Variants in LTN1 observed in about 807,000 individuals in gnomAD.
The protein encoded by LTN1 is E3 ubiquitin-protein ligase listerin.
LTN1 carries 88 observed loss-of-function variants against 201.2 expected under a neutral mutation model. The observed-to-expected ratio is 0.44, with a 90% confidence interval of 0.37 to 0.52. LTN1 has a LOEUF of 0.52. Among genes scored for constraint, LTN1 ranks in the 20% least tolerant of loss-of-function variants. The pLI is 0.00. For synonymous variants in LTN1, 645 were observed against 713.5 expected, an observed-to-expected ratio of 0.90 and a Z score of 1.53; for missense variants, 1,752 against 2,038.7, an observed-to-expected ratio of 0.86 and a Z score of 2.71.
At chr21:28,947,775 GTTT>G (rs202076727) in intron 18 of LTN1, among the ~76,000 whole-genome samples, 169 bp from the exon 19 acceptor site, 2 of 151,034 alleles carry the variant, frequency 1.3e-5, no homozygotes, top group Non-Finnish European at 3.0e-5. Flanking sequence ...GATGAAATTG[GTTT>G]TTTTTGCTCC....
At chr21:28,976,464 G>A (rs2084615846) in intron 6 of LTN1, among the ~76,000 whole-genome samples, 1 of 152,012 alleles carries the variant, frequency 6.6e-6, no homozygotes, top group Non-Finnish European at 1.5e-5. Flanking sequence ...GCTGGGCATG[G>A]TGGCACGTGC....
In LTN1 at chr21:28,969,361, T is replaced by A. The variant is rs975380765; in HGVS notation, c.1311+105A>T. On this transcript the variant is annotated intron_variant, in intron 9 of 29. Coordinates refer to ENST00000361371, the MANE Select transcript of LTN1 (RefSeq NM_015565.3). Reference sequence around the variant, plus strand: ...CAATTGGTAAATTATAAAAATAAAATTTTTACAAGGAAGGCTTATTACTGT... The same window carrying A: ...CAATTGGTAAATTATAAAAATAAAAATTTTACAAGGAAGGCTTATTACTGT... 14 of 964,704 alleles carry A rather than the reference T, an allele frequency of 1.5e-5. No homozygotes were observed. In the African/African-American group the frequency reaches 1.5e-4, roughly 10 times the overall value. The allele number at this position is 964,704 out of a possible 1,614,324, so 59.8% of individuals were successfully genotyped here. A position where few individuals can be genotyped will look rare whatever the true frequency, so the allele number is the denominator to read the frequency against.
At chr21:28,991,506 T>C (rs892916436) in intron 1 of LTN1, among the ~76,000 whole-genome samples, 12 of 152,152 alleles carry the variant, frequency 7.9e-5, no homozygotes, top group African/African-American at 2.9e-4. Context: ...CAACTAACTC[T>C]TATAAGTTCA....
chr21:28,975,284 T>C (rs1436978327), intron 6 of LTN1, among the ~76,000 whole-genome samples: 1 of 151,654 alleles, frequency 6.6e-6, no homozygotes, highest in Admixed American at 6.6e-5. Flanking sequence ...AAAAACCAAG[T>C]GGAAGTTCTA....
At chr21:28,969,409 G>A (rs2084554465) in intron 9 of LTN1, 57 bp downstream of exon 9, 2 of 1,445,282 alleles carry the variant, frequency 1.4e-6, no homozygotes, top group East Asian at 2.4e-5. Flanking sequence ...GACACAATGA[G>A]CTTGATCCTA....
At chr21:28,947,908 A>C (rs937814078) in intron 18 of LTN1, among the ~76,000 whole-genome samples, 35 of 150,616 alleles carry the variant, frequency 2.3e-4, no homozygotes, top group Non-Finnish European at 3.7e-4. Context: ...AAAAAGAGTC[A>C]ATTGCGGGGT....
chr21:28,939,620 T>C (rs575666254), intron 25 of LTN1, among the ~76,000 whole-genome samples: 19 of 152,308 alleles, frequency 1.2e-4, no homozygotes, highest in African/African-American at 4.6e-4. Context: ...TCAGTTCAAG[T>C]TTCAGACTCA....
chr21:28,935,952 A>T (rs1274343737), intron 26 of LTN1, among the ~76,000 whole-genome samples: 2 of 152,146 alleles, frequency 1.3e-5, no homozygotes. Context: ...CACATATTTT[A>T]AAAAGAAGGA....
Position 28,981,314 on chromosome 21 carries a change from A to G in LTN1, c.630-15T>C. The stretch of plus-strand genomic sequence containing the variant: ...CTGGAACAGTTCTTGATATAAAACA[A>G]AATAAATATATTTAAAAATTTAGAA... On this transcript the variant is annotated splice_polypyrimidine_tract_variant and intron_variant, in intron 5 of 29. Coordinates refer to ENST00000361371, the MANE Select transcript of LTN1 (RefSeq NM_015565.3). The G allele has an allele frequency of 4.4e-6, 6 of 1,371,634 alleles. No individual in the cohort carries two copies. Among genetic ancestry groups the G allele is most frequent in the Non-Finnish European group, 5.8e-6 (6 of 1,042,400 alleles). 85.0% of individuals were successfully genotyped at this position (1,371,634 alleles called of 1,614,324 possible).
chr21:28,967,105 T>G lies in LTN1; in HGVS notation c.1386A>C (p.Glu462Asp), dbSNP rs61472516. Reference protein sequence around the residue: ...QHGQLFNHLAETLSSWEAKAD... With the variant: ...QHGQLFNHLADTLSSWEAKAD... The stretch of plus-strand genomic sequence containing the variant: ...CTTTGGCTTCCCAGGAACTTAGAGT[T>G]TCTGCTAAATGGTTAAATAGCTGCC... The change falls in exon 10 of 30, where the codon GAA (glutamate) becomes GAC (aspartate). Residue 462 changes from glutamate to aspartate, a missense_variant. Physicochemically the swap from Glu to Asp is conservative, Grantham distance 45. Coordinates refer to ENST00000361371, the MANE Select transcript of LTN1 (RefSeq NM_015565.3). 1.7e-3 allele frequency: 2,704 copies of G among 1,614,158 alleles called. 44 individuals carry two copies. In the African/African-American group the frequency reaches 0.033, roughly 20 times the overall value.
intron 6 of LTN1, among the ~76,000 whole-genome samples, chr21:28,971,923 A>G (rs1008583235): frequency 6.6e-6 from 1 of 152,256 alleles, no homozygotes; most frequent in Non-Finnish European, 1.5e-5. Flanking sequence ...AAAAAGATCA[A>G]GCACAATTAC....
intron 6 of LTN1, among the ~76,000 whole-genome samples, chr21:28,977,914 T>A (rs1194447983): frequency 6.8e-6 from 1 of 147,470 alleles, no homozygotes; most frequent in Non-Finnish European, 1.5e-5. Context: ...GGTGACAGAG[T>A]AAGACTCTGT....
intron 13 of LTN1, 113 bp downstream of exon 13, chr21:28,959,345 C>T: frequency 7.6e-7 from 1 of 1,320,402 alleles, no homozygotes; most frequent in Non-Finnish European, 1.0e-6. Flanking sequence ...ACTCAAAATG[C>T]TTTAAACTTT....
intron 6 of LTN1, among the ~76,000 whole-genome samples, chr21:28,974,582 C>T (rs2084600406): frequency 6.6e-6 from 1 of 152,110 alleles, no homozygotes; most frequent in Admixed American, 6.5e-5. Context: ...AGGCACAGGA[C>T]CAGCTACAAC....
chr21:28,954,875 G>A (rs529993453), intron 16 of LTN1, among the ~76,000 whole-genome samples: 1 of 152,140 alleles, frequency 6.6e-6, no homozygotes, highest in Non-Finnish European at 1.5e-5. Flanking sequence ...CATTGGTCTA[G>A]GCAAATATTT....
chr21:28,974,855 T>TGAATTCCTGGCCTC (rs2084602932), intron 6 of LTN1, among the ~76,000 whole-genome samples: 1 of 152,184 alleles, frequency 6.6e-6, no homozygotes, highest in South Asian at 2.1e-4. Flanking sequence ...AGGCTGGTCT[T>TGAATTCCTGGCCTC]GAATTCCTGG....
Position 28,946,208 on chromosome 21 carries a change from T to C in LTN1, c.3567A>G (p.Ile1189Met), listed in dbSNP as rs767666863. Residue 1189 changes from isoleucine (I) to methionine (M), a missense_variant, in exon 20 of 30, where the codon ATA becomes ATG. Physicochemically the swap from Ile to Met is conservative, Grantham distance 10. Coordinates refer to ENST00000361371, the MANE Select transcript of LTN1 (RefSeq NM_015565.3). The part of the protein sequence containing the change: ...SIDDGELLHG[I>M]LKIIISWKKE... ...TCTTCCAGGATATTATGATTTTTAA[T>C]ATTCCATGTAATAGCTCTCCATCAT... The C allele has an allele frequency of 6.3e-6, 10 of 1,588,806 alleles. No individual in the cohort carries two copies. Among genetic ancestry groups the C allele is most frequent in the Non-Finnish European group, 8.6e-6 (10 of 1,168,676 alleles).
chr21:28,931,068 T>TGG, intron 29 of LTN1, 87 bp downstream of exon 29: 1 of 106,232 alleles, frequency 9.4e-6, no homozygotes, highest in South Asian at 1.6e-4. Flanking sequence ...ATTGTGTAGG[T>TGG]GTGTGTGTGT....
rs1438032682 is a variant in LTN1 at position 28,960,502 on chromosome 21, C to G, written c.2353+15G>C. ...ACTATTCCCCATTAGAAAACAAAAG[C>G]CATATTTGTCCTACCATTTTTAACA... is the stretch of plus-strand genomic sequence containing the variant. On this transcript the variant is annotated intron_variant, in intron 12 of 29. Transcript: ENST00000361371. 1.3e-6 allele frequency: 2 copies of G among 1,597,630 alleles called. No homozygotes were observed. Among genetic ancestry groups the G allele is most frequent in the South Asian group, 1.1e-5 (1 of 89,360 alleles).
Sources: gnomAD v4.1 joint callset for allele counts (sites outside exome capture counted in the v4.1 genomes callset) on GRCh38, gnomAD v4.1.1 for gene constraint, MANE v1.5 for transcripts, NCBI Gene and HGNC (gene_info 2026-07-23, HGNC 2026-07-21) for gene names.